The following NTRK2 variants were observed in gnomAD, a reference collection of about 807,000 sequenced individuals.
NTRK2 encodes neurotrophic receptor tyrosine kinase 2.
In NTRK2, 13 loss-of-function variants were observed where a neutral mutation model predicts 94.5. That is an observed-to-expected ratio of 0.14 (90% CI 0.09 to 0.22). The LOEUF (loss-of-function observed/expected upper bound fraction) is 0.22. NTRK2 is among the 10% of genes least tolerant of loss of function. NTRK2 has a pLI of 1.00. For missense variants in NTRK2, 639 were observed against 1,071.2 expected (o/e 0.60, Z 5.63); for synonymous variants, 372 against 407.4 (o/e 0.91, Z 1.05).
At chr9:84,737,404 A>G (rs181417559) in intron 9 of NTRK2, among the ~76,000 whole-genome samples, 1 of 152,360 alleles carries the variant, frequency 6.6e-6, no homozygotes, top group Admixed American at 6.5e-5. Context: ...GTGAGTTTAG[A>G]AGATGGAAAT....
At chr9:84,777,227 T>C (rs2067135258) in intron 12 of NTRK2, among the ~76,000 whole-genome samples, 1 of 152,166 alleles carries the variant, frequency 6.6e-6, no homozygotes. Context: ...CTAGTGTTGG[T>C]TGTCCCATTT....
chr9:84,916,900 A>G (rs892708721), intron 14 of NTRK2, among the ~76,000 whole-genome samples: 1 of 152,188 alleles, frequency 6.6e-6, no homozygotes, highest in Non-Finnish European at 1.5e-5. Flanking sequence ...CTTTTATAGA[A>G]CATAATACAT....
intron 17 of NTRK2, among the ~76,000 whole-genome samples, chr9:84,995,151 T>A (rs902399197): frequency 7.2e-5 from 11 of 152,190 alleles, no homozygotes; most frequent in African/African-American, 2.4e-4. Flanking sequence ...CTAAGAGAAA[T>A]GCAGTCCCTA....
intron 17 of NTRK2, among the ~76,000 whole-genome samples, chr9:84,967,287 A>G (rs1015356950): frequency 6.6e-6 from 1 of 152,128 alleles, no homozygotes; most frequent in Non-Finnish European, 1.5e-5. Context: ...CCCTCTCCAC[A>G]AGGAGCTGGG....
At chr9:84,856,997 C>T (rs991708942) in intron 12 of NTRK2, among the ~76,000 whole-genome samples, 12 of 152,176 alleles carry the variant, frequency 7.9e-5, no homozygotes, top group Admixed American at 3.3e-4. Flanking sequence ...GTTTCTTCCA[C>T]GTTGCCTGTT....
At chr9:84,681,627 C>T (rs993602416) in intron 2 of NTRK2, among the ~76,000 whole-genome samples, 3 of 152,110 alleles carry the variant, frequency 2.0e-5, no homozygotes, top group African/African-American at 7.2e-5. Flanking sequence ...TTCATGCCAT[C>T]ATCATCTTTT....
chr9:84,799,004 A>G (rs2070036466), intron 12 of NTRK2, among the ~76,000 whole-genome samples: 1 of 150,666 alleles, frequency 6.6e-6, no homozygotes. Context: ...TTTATAGGCA[A>G]GAAAACTGAG....
intron 17 of NTRK2, among the ~76,000 whole-genome samples, chr9:85,013,939 G>A (rs1281389151): frequency 6.6e-6 from 1 of 152,170 alleles, no homozygotes; most frequent in African/African-American, 2.4e-5. Context: ...AGTTTAGAAG[G>A]TCCCAGATTG....
intron 12 of NTRK2, among the ~76,000 whole-genome samples, chr9:84,793,501 A>C (rs2068947686): frequency 6.6e-6 from 1 of 152,138 alleles, no homozygotes; most frequent in African/African-American, 2.4e-5. Flanking sequence ...GGCCACCTGG[A>C]ATCTTCCCAA....
chr9:84,748,655 A>C (rs561657462), intron 11 of NTRK2, among the ~76,000 whole-genome samples: 19 of 152,336 alleles, frequency 1.2e-4, no homozygotes, highest in African/African-American at 4.1e-4. Context: ...AGGCCAAGTC[A>C]TCTAACCTCC....
At chr9:84,796,304 T>C (rs2069322018) in intron 12 of NTRK2, among the ~76,000 whole-genome samples, 2 of 152,172 alleles carry the variant, frequency 1.3e-5, no homozygotes, top group African/African-American at 4.8e-5. Flanking sequence ...CTTAAAACTA[T>C]ATCCCAACTA....
Position 84,670,776 on chromosome 9 carries a change from C to T in NTRK2, c.28C>T (p.Pro10Ser), listed in dbSNP as rs1359560976. 8.7e-6 allele frequency: 14 copies of T among 1,613,638 alleles called. No homozygotes were observed. Among genetic ancestry groups the T allele is most frequent in the Admixed American group, 1.7e-5 (1 of 60,016 alleles). Residue 10 changes from proline to serine, a missense_variant, in exon 2 of 19, where the codon CCC (proline) becomes TCC (serine). Transcript: ENST00000277120. ...GTCGTCCTGGATAAGGTGGCATGGA[C>T]CCGCCATGGCGCGGCTCTGGGGCTT... MSSWIRWHGPAMARLWGFCW... is the reference protein window; with the variant it reads MSSWIRWHGSAMARLWGFCW...
intron 17 of NTRK2, among the ~76,000 whole-genome samples, chr9:84,964,951 GT>G (rs1351838805): frequency 6.6e-6 from 1 of 152,058 alleles, no homozygotes; most frequent in African/African-American, 2.4e-5. Flanking sequence ...TCCTGTGAAG[GT>G]TTTTTTCCTT....
At position 84,724,370 on chromosome 9, in the gene NTRK2, C is replaced by G; in HGVS notation, c.853+14C>G. On this transcript the variant is annotated intron_variant, in intron 8 of 18. Coordinates refer to ENST00000277120, the MANE Select transcript of NTRK2 (RefSeq NM_006180.6). Reference sequence around the variant, plus strand: ...TCACTGTGCATTGTACGTAATCAGACTGGCATGTGTTTTTAATAGCAAATG... The same window carrying G: ...TCACTGTGCATTGTACGTAATCAGAGTGGCATGTGTTTTTAATAGCAAATG... 1 of 1,614,098 alleles carries G rather than the reference C, an allele frequency of 6.2e-7. No homozygotes were observed. Among genetic ancestry groups the G allele is most frequent in the Non-Finnish European group, 8.5e-7 (1 of 1,179,968 alleles).
chr9:84,831,656 G>A (rs749885917), intron 12 of NTRK2, among the ~76,000 whole-genome samples: 8 of 152,282 alleles, frequency 5.3e-5, no homozygotes, highest in Admixed American at 3.9e-4. Context: ...TGACTTACTC[G>A]AGGTGACGGA....
intron 9 of NTRK2, among the ~76,000 whole-genome samples, chr9:84,736,707 CTAA>C (rs1278907552): frequency 6.6e-6 from 1 of 152,150 alleles, no homozygotes. Context: ...CTCAGGAGTG[CTAA>C]TGTTAGTTAA....
intron 14 of NTRK2, among the ~76,000 whole-genome samples, chr9:84,891,241 TA>T (rs968992336): frequency 6.6e-6 from 1 of 151,302 alleles, no homozygotes; most frequent in African/African-American, 2.4e-5. Flanking sequence ...AGCTTTTTTT[TA>T]AAAAAAGTGC....
intron 16 of NTRK2, among the ~76,000 whole-genome samples, chr9:84,953,969 G>A (rs73651155): frequency 0.026 from 3,921 of 152,258 alleles, 176 homozygotes; most frequent in African/African-American, 0.09. Flanking sequence ...GGATGGAAGT[G>A]GGGATACGCC....
At chr9:84,859,113 C>T (rs1159280556) in intron 12 of NTRK2, among the ~76,000 whole-genome samples, 6 of 152,160 alleles carry the variant, frequency 3.9e-5, no homozygotes, top group Admixed American at 3.9e-4. Context: ...TTCTTATTTG[C>T]TTTGTATCTG....
Sources: allele counts gnomAD v4.1 joint callset (sites outside exome capture counted in the v4.1 genomes callset), GRCh38; gene constraint gnomAD v4.1.1; transcripts MANE v1.5; gene names NCBI Gene and HGNC (gene_info 2026-07-23, HGNC 2026-07-21).